Variants in FRMD6 observed in about 807,000 individuals in gnomAD.
FRMD6 encodes FERM domain-containing protein 6.
In FRMD6, 37 loss-of-function variants were observed where a neutral mutation model predicts 73.2. The observed-to-expected ratio is 0.51, with a 90% CI of 0.39 to 0.66. FRMD6 has a LOEUF of 0.66. Among genes scored for constraint, FRMD6 ranks in the 30% least tolerant of loss-of-function variants. The pLI is 0.00. For missense variants in FRMD6, 714 were observed against 780.5 expected, an observed-to-expected ratio of 0.91 and a Z score of 1.02; for synonymous variants, 273 against 282.2, an observed-to-expected ratio of 0.97 and a Z score of 0.33.
intron 1 of FRMD6, among the ~76,000 whole-genome samples, chr14:51,507,102 ACACACACACACACACACAC>A (rs1182349473): frequency 8.0e-5 from 9 of 111,904 alleles, no homozygotes; most frequent in Non-Finnish European, 1.2e-4. Context: ...ACACACACAC[ACACACACACACACACACAC>A]ACACACACAC....
At chr14:51,427,774 T>C in the FRMD6 span, among the ~76,000 whole-genome samples, 27,516 of 152,170 alleles carry the variant, frequency 0.18, 2,794 homozygotes, top group Middle Eastern at 0.26. Flanking sequence ...TCAGGAAGTT[T>C]GCAAGCTTTC....
At chr14:51,405,705 T>C in the FRMD6 span, among the ~76,000 whole-genome samples, 1 of 152,202 alleles carries the variant, frequency 6.6e-6, no homozygotes, top group Non-Finnish European at 1.5e-5. Context: ...GTATATTTGT[T>C]TAAATTCCTT....
chr14:51,443,239 C>T, the FRMD6 span, among the ~76,000 whole-genome samples: 37 of 152,332 alleles, frequency 2.4e-4, no homozygotes, highest in South Asian at 4.6e-3. Flanking sequence ...GCTGTTCTTT[C>T]TCTGACTTTG....
At chr14:51,650,753 CCT>C (rs1892315878), upstream of FRMD6, 1 of 152,386 alleles carries the variant, frequency 6.6e-6, no homozygotes, top group African/African-American at 2.4e-5. Context: ...TTTCTCAGGT[CCT>C]GTTTCCTTGT....
At chr14:51,447,062 G>A in the FRMD6 span, among the ~76,000 whole-genome samples, 2,289 of 152,224 alleles carry the variant, frequency 0.015, 30 homozygotes, top group Middle Eastern at 0.048. Flanking sequence ...ACTCTGTCCC[G>A]ATATGAGTGG....
chr14:51,421,601 G>A, the FRMD6 span, among the ~76,000 whole-genome samples: 3 of 152,326 alleles, frequency 2.0e-5, no homozygotes, highest in South Asian at 4.1e-4. Context: ...CAAAAGAACC[G>A]TAAGAGCCTG....
At chr14:51,529,451 A>C (rs1030787136) in intron 1 of FRMD6, among the ~76,000 whole-genome samples, 4 of 152,128 alleles carry the variant, frequency 2.6e-5, no homozygotes, top group African/African-American at 9.7e-5. Context: ...TACATAACAC[A>C]CATATTTATC....
intron 1 of FRMD6, among the ~76,000 whole-genome samples, chr14:51,526,875 TA>T (rs1197735813): frequency 6.6e-6 from 1 of 152,246 alleles, no homozygotes; most frequent in Non-Finnish European, 1.5e-5. Flanking sequence ...AAAGTCTTCC[TA>T]AATGAATTTC....
chr14:51,632,802 G>GTT (rs1891389914), intron 2 of FRMD6, among the ~76,000 whole-genome samples: 1 of 152,122 alleles, frequency 6.6e-6, no homozygotes, highest in Non-Finnish European at 1.5e-5. Flanking sequence ...GGCAGTTTCA[G>GTT]GTAAAAGGGG....
intron 2 of FRMD6, among the ~76,000 whole-genome samples, chr14:51,644,391 A>ACTCT (rs1259140311): frequency 1.7e-5 from 2 of 120,866 alleles, no homozygotes; most frequent in African/African-American, 5.9e-5. Flanking sequence ...ACACACACTC[A>ACTCT]CTCACTCTCT....
chr14:51,576,197 T>G (rs1432128595), intron 2 of FRMD6: 1 of 152,208 alleles, frequency 6.6e-6, no homozygotes, highest in Non-Finnish European at 1.5e-5. Context: ...CAAAGCAAAC[T>G]TAAGTGCCGA....
At chr14:51,425,583 C>T in the FRMD6 span, among the ~76,000 whole-genome samples, 1 of 152,178 alleles carries the variant, frequency 6.6e-6, no homozygotes, top group Non-Finnish European at 1.5e-5. Context: ...ATCACTTCCC[C>T]CTGTTCAGGT....
the FRMD6 span, among the ~76,000 whole-genome samples, chr14:51,455,198 G>A: frequency 1.3e-5 from 2 of 152,124 alleles, no homozygotes; most frequent in African/African-American, 4.8e-5. Context: ...GAATCCCAAG[G>A]GGGATATAGA....
intron 1 of FRMD6, among the ~76,000 whole-genome samples, chr14:51,667,897 T>C (rs1339796214): frequency 6.6e-6 from 1 of 152,208 alleles, no homozygotes; most frequent in East Asian, 1.9e-4. Context: ...TGAGAGCTAA[T>C]GGTTTGTAAT....
the FRMD6 span, among the ~76,000 whole-genome samples, chr14:51,470,192 G>A: frequency 6.6e-6 from 1 of 151,994 alleles, no homozygotes; most frequent in African/African-American, 2.4e-5. Context: ...AATCTAGCTA[G>A]GGGTTTGTCA....
the FRMD6 span, among the ~76,000 whole-genome samples, chr14:51,469,290 T>A: frequency 1.3e-5 from 2 of 151,120 alleles, no homozygotes; most frequent in African/African-American, 2.4e-5. Context: ...TTTTTATTGT[T>A]AAATCAATCT....
chr14:51,479,394 A>C, the FRMD6 span, among the ~76,000 whole-genome samples: 1 of 152,188 alleles, frequency 6.6e-6, no homozygotes, highest in African/African-American at 2.4e-5. Context: ...ATACTAACTA[A>C]TCACTTATAC....
chr14:51,591,994 C>T (rs1440132612), intron 2 of FRMD6, among the ~76,000 whole-genome samples: 4 of 152,182 alleles, frequency 2.6e-5, no homozygotes, highest in Non-Finnish European at 4.4e-5. Flanking sequence ...TGCAGTCTCA[C>T]ACTATCATGC....
At chr14:51,414,788 C>G in the FRMD6 span, among the ~76,000 whole-genome samples, 1 of 152,188 alleles carries the variant, frequency 6.6e-6, no homozygotes, top group Non-Finnish European at 1.5e-5. Context: ...TATCCATGAG[C>G]ATGGAATGTT....
Sources: allele counts gnomAD v4.1 joint callset (sites outside exome capture counted in the v4.1 genomes callset), GRCh38; gene constraint gnomAD v4.1.1; transcripts MANE v1.5; gene names NCBI Gene and HGNC (gene_info 2026-07-23, HGNC 2026-07-21).